ARHGAP15: variants seen among roughly 807,000 people sequenced by gnomAD.
ARHGAP15 encodes the protein rho GTPase-activating protein 15.
Under a neutral mutation model 63.7 loss-of-function variants are expected in ARHGAP15, and 51 were observed. The ratio of observed to expected loss-of-function variants is 0.80; its 90% CI spans 0.64 to 1.01. The LOEUF (loss-of-function observed/expected upper bound fraction) is 1.01. Among genes scored for constraint, ARHGAP15 ranks in the 50% least tolerant of loss-of-function variants. The pLI is 0.00. For synonymous variants in ARHGAP15, 191 were observed against 193.8 expected, an observed-to-expected ratio of 0.99 and a Z score of 0.12; for missense variants, 560 against 564.6, an observed-to-expected ratio of 0.99 and a Z score of 0.08.
chr2:143,141,282 G>C (rs187655435), intron 1 of ARHGAP15, among the ~76,000 whole-genome samples: 1 of 152,216 alleles, frequency 6.6e-6, no homozygotes, highest in East Asian at 1.9e-4. Context: ...TTCAGACAGT[G>C]CTGAATGAAT....
chr2:143,324,476 G>T (rs1005725986), intron 6 of ARHGAP15, among the ~76,000 whole-genome samples: 4 of 152,118 alleles, frequency 2.6e-5, no homozygotes, highest in African/African-American at 9.7e-5. Flanking sequence ...ATACTTATTA[G>T]TTTGTAACCT....
At chr2:143,657,162 C>G (rs1241536036) in intron 12 of ARHGAP15, among the ~76,000 whole-genome samples, 1 of 152,174 alleles carries the variant, frequency 6.6e-6, no homozygotes. Context: ...CTGGCTAACA[C>G]GGTGAAACCC....
At chr2:143,625,204 T>A (rs1461322055) in intron 12 of ARHGAP15, among the ~76,000 whole-genome samples, 3 of 150,676 alleles carry the variant, frequency 2.0e-5, no homozygotes, top group African/African-American at 2.4e-5. Context: ...ACGAGACAAA[T>A]CTCCAAGAAA....
At chr2:143,316,569 CAT>C (rs1319143476) in intron 6 of ARHGAP15, among the ~76,000 whole-genome samples, 122 of 144,478 alleles carry the variant, frequency 8.4e-4, no homozygotes, top group African/African-American at 2.5e-3. Context: ...TATTTTAAAA[CAT>C]ATATTAAAAT....
chr2:143,616,865 A>T (rs1299971126), intron 11 of ARHGAP15, among the ~76,000 whole-genome samples: 2 of 152,232 alleles, frequency 1.3e-5, no homozygotes, highest in African/African-American at 4.8e-5. Context: ...TTTGATAGGT[A>T]TCATGACCAT....
Position 143,639,042 on chromosome 2 carries a change from G to A in ARHGAP15, c.1138+14775G>A, listed in dbSNP as rs868607302. On this transcript the variant is annotated intron_variant, in intron 12 of 13. Coordinates refer to ENST00000295095, the MANE Select transcript of ARHGAP15 (RefSeq NM_018460.4). ...AGGCTACCAGCTGGGAATTTGCAGA[G>A]CTAGAATTCGAACCCATAACTGGAA... Among the ~76,000 whole-genome samples, 102 of 152,148 alleles carry A rather than the reference G, an allele frequency of 6.7e-4. 1 individual carries two copies. In the Middle Eastern group the frequency reaches 0.01, roughly 15 times the overall value.
intron 8 of ARHGAP15, among the ~76,000 whole-genome samples, chr2:143,482,792 T>C (rs147800084): frequency 2.0e-5 from 3 of 152,358 alleles, no homozygotes; most frequent in African/African-American, 7.2e-5. Flanking sequence ...TTATTTTGTA[T>C]TTATAGTGCT....
At chr2:143,225,577 G>A (rs1693178433) in intron 4 of ARHGAP15, among the ~76,000 whole-genome samples, 1 of 152,192 alleles carries the variant, frequency 6.6e-6, no homozygotes, top group African/African-American at 2.4e-5. Context: ...CTCCAGTCCA[G>A]CCTGGGCGAC....
At chr2:143,170,737 A>G (rs1690741627) in intron 2 of ARHGAP15, among the ~76,000 whole-genome samples, 1 of 152,072 alleles carries the variant, frequency 6.6e-6, no homozygotes, top group Non-Finnish European at 1.5e-5. Context: ...GAACTCCTAT[A>G]ATAATTATTC....
chr2:143,348,061 A>G (rs1685374256), intron 6 of ARHGAP15, among the ~76,000 whole-genome samples: 1 of 152,156 alleles, frequency 6.6e-6, no homozygotes, highest in Non-Finnish European at 1.5e-5. Flanking sequence ...ACTGTCAGAT[A>G]TGGACCCATT....
intron 10 of ARHGAP15, among the ~76,000 whole-genome samples, chr2:143,534,949 C>G (rs1403899714): frequency 6.6e-6 from 1 of 151,942 alleles, no homozygotes; most frequent in Non-Finnish European, 1.5e-5. Flanking sequence ...GAGCATTGTA[C>G]TCACCTGAAA....
At chr2:143,497,673 C>T (rs560198633) in intron 9 of ARHGAP15, among the ~76,000 whole-genome samples, 69 of 152,288 alleles carry the variant, frequency 4.5e-4, no homozygotes, top group African/African-American at 1.6e-3. Flanking sequence ...AATTCTACTG[C>T]TCACACTAAG....
chr2:143,152,939 C>A (rs1689885568), intron 1 of ARHGAP15, among the ~76,000 whole-genome samples: 1 of 151,888 alleles, frequency 6.6e-6, no homozygotes, highest in South Asian at 2.1e-4. Context: ...ATGGAAAGAT[C>A]TAAGAAAGCA....
chr2:143,488,398 A>G (rs1292814984), intron 9 of ARHGAP15, among the ~76,000 whole-genome samples: 3 of 152,246 alleles, frequency 2.0e-5, no homozygotes, highest in African/African-American at 4.8e-5. Context: ...GTATATTTCT[A>G]TAACTGGAAA....
At chr2:143,426,623 A>G (rs1188233194) in intron 6 of ARHGAP15, among the ~76,000 whole-genome samples, 1 of 152,154 alleles carries the variant, frequency 6.6e-6, no homozygotes, top group Non-Finnish European at 1.5e-5. Flanking sequence ...CAAGGTGGGC[A>G]AGCATCTGCA....
At chr2:143,191,891 T>C (rs1164791945) in intron 2 of ARHGAP15, among the ~76,000 whole-genome samples, 1 of 152,234 alleles carries the variant, frequency 6.6e-6, no homozygotes, top group East Asian at 1.9e-4. Flanking sequence ...TATAAAAATG[T>C]GCTGCCTTGA....
chr2:143,351,225 A>G (rs943942725), intron 6 of ARHGAP15: 3 of 152,178 alleles, frequency 2.0e-5, no homozygotes, highest in African/African-American at 7.2e-5. Flanking sequence ...TATTCTTACC[A>G]TTTTGTGTTG....
At chr2:143,440,290 G>C (rs897131092) in intron 8 of ARHGAP15, among the ~76,000 whole-genome samples, 1 of 152,118 alleles carries the variant, frequency 6.6e-6, no homozygotes, top group Non-Finnish European at 1.5e-5. Flanking sequence ...TCTGATCTCA[G>C]TCCTAGATTT....
chr2:143,312,356 CAT>C (rs1683487712), intron 6 of ARHGAP15, among the ~76,000 whole-genome samples: 1 of 152,042 alleles, frequency 6.6e-6, no homozygotes, highest in African/African-American at 2.4e-5. Context: ...TATAATCAAA[CAT>C]TCTTGAATAA....
Sources: gnomAD v4.1 joint callset for allele counts (sites outside exome capture counted in the v4.1 genomes callset) on GRCh38, gnomAD v4.1.1 for gene constraint, MANE v1.5 for transcripts, NCBI Gene and HGNC (gene_info 2026-07-23, HGNC 2026-07-21) for gene names.